STK3: variants seen among roughly 807,000 people sequenced by gnomAD.
The protein encoded by STK3 is serine/threonine-protein kinase 3.
A neutral mutation model predicts 58.0 loss-of-function variants in STK3; 41 were observed. That is an observed-to-expected ratio of 0.71 (90% CI 0.55 to 0.92). The LOEUF (loss-of-function observed/expected upper bound fraction) is 0.92. Among genes scored for constraint, STK3 ranks in the 40% least tolerant of loss-of-function variants. STK3 has a pLI of 0.00. For missense variants in STK3, 479 were observed against 602.7 expected, an observed-to-expected ratio of 0.79 and a Z score of 2.15; for synonymous variants, 170 against 191.0, an observed-to-expected ratio of 0.89 and a Z score of 0.91.
At chr8:98,394,087 T>C (rs899433484) in intron 3 of STK3, among the ~76,000 whole-genome samples, 1 of 151,952 alleles carries the variant, frequency 6.6e-6, no homozygotes, top group Non-Finnish European at 1.5e-5. Flanking sequence ...CAGGATAAGA[T>C]TGTGTCTTGG....
chr8:98,594,414 A>G (rs1432809024), intron 7 of STK3, among the ~76,000 whole-genome samples: 1 of 152,062 alleles, frequency 6.6e-6, no homozygotes, highest in African/African-American at 2.4e-5. Flanking sequence ...AGCCTGATCA[A>G]CATGGCGAAA....
chr8:98,421,966 C>T (rs534317287), intron 3 of STK3, among the ~76,000 whole-genome samples: 8 of 152,192 alleles, frequency 5.3e-5, no homozygotes, highest in African/African-American at 1.7e-4. Flanking sequence ...GGTGTGGGCC[C>T]TGTGCAGGCC....
intron 7 of STK3, among the ~76,000 whole-genome samples, chr8:98,588,383 T>A (rs1481413592): frequency 2.0e-5 from 3 of 151,582 alleles, no homozygotes; most frequent in Non-Finnish European, 4.4e-5. Context: ...GATATGAAAT[T>A]CTGGGTTGAA....
chr8:98,828,456 A>C (rs966682641), upstream of STK3, among the ~76,000 whole-genome samples: 14 of 150,620 alleles, frequency 9.3e-5, no homozygotes, highest in South Asian at 1.0e-3. Context: ...AAAAAAAAAA[A>C]AAAAAAAAAC....
chr8:98,838,988 T>TTG (rs35564732), intron 3 of STK3, among the ~76,000 whole-genome samples: 40,138 of 144,822 alleles, frequency 0.28, 6,145 homozygotes, highest in South Asian at 0.51. Flanking sequence ...TTTGTTTGTT[T>TTG]TGTGTGTGTG....
intron 1 of STK3, among the ~76,000 whole-genome samples, chr8:98,442,329 A>G (rs1002826539): frequency 2.4e-4 from 37 of 152,232 alleles, no homozygotes; most frequent in African/African-American, 8.0e-4. Flanking sequence ...CGGAACTTAC[A>G]GGTCTATGTC....
At chr8:98,620,856 G>T (rs1481159496) in intron 6 of STK3, among the ~76,000 whole-genome samples, 1 of 150,410 alleles carries the variant, frequency 6.6e-6, no homozygotes, top group African/African-American at 2.4e-5. Flanking sequence ...TTAAGCAACT[G>T]TAAATGGTAT....
chr8:98,922,208 A>G (rs1214412384), intron 1 of STK3, among the ~76,000 whole-genome samples: 1 of 152,216 alleles, frequency 6.6e-6, no homozygotes, highest in Non-Finnish European at 1.5e-5. Flanking sequence ...TCTTGCTGTG[A>G]ATGTGGACTG....
chr8:98,780,146 AT>A (rs1450477235), intron 1 of STK3, among the ~76,000 whole-genome samples: 4 of 151,456 alleles, frequency 2.6e-5, no homozygotes, highest in African/African-American at 9.7e-5. Context: ...TATTGATTAC[AT>A]TATGGTATAT....
intron 6 of STK3, among the ~76,000 whole-genome samples, chr8:98,682,160 A>C (rs888597156): frequency 1.3e-5 from 2 of 152,230 alleles, no homozygotes; most frequent in Non-Finnish European, 2.9e-5. Context: ...GAAGCTTGTG[A>C]AGTTAGATCA....
At chr8:98,835,212 G>A (rs1345912314) in intron 3 of STK3, among the ~76,000 whole-genome samples, 2 of 152,082 alleles carry the variant, frequency 1.3e-5, no homozygotes, top group South Asian at 2.1e-4. Context: ...TTTCTCATAA[G>A]AGAAAATGAG....
intron 10 of STK3, among the ~76,000 whole-genome samples, chr8:98,482,763 C>T (rs1422645684): frequency 6.6e-6 from 1 of 151,878 alleles, no homozygotes; most frequent in Non-Finnish European, 1.5e-5. Flanking sequence ...GTCAATTATT[C>T]CCTGGGTAGA....
chr8:98,440,905 A>T (rs1307411742), intron 1 of STK3, among the ~76,000 whole-genome samples: 2 of 152,202 alleles, frequency 1.3e-5, no homozygotes, highest in Non-Finnish European at 2.9e-5. Context: ...CTGTGAAGAA[A>T]GTGCCAGGTA....
chr8:98,911,768 T>C (rs994996216), intron 1 of STK3, among the ~76,000 whole-genome samples: 1 of 152,084 alleles, frequency 6.6e-6, no homozygotes, highest in Non-Finnish European at 1.5e-5. Flanking sequence ...AATAAGAGTA[T>C]TTATCCTACT....
chr8:98,929,092 C>T lies in STK3; in HGVS notation c.-79+13286G>A, dbSNP rs201384915. On this transcript the variant is annotated intron_variant, in intron 1 of 1. Transcript: ENST00000519420. The stretch of plus-strand genomic sequence containing the variant: ...ACCAGTCTGGCCAACATGGTGAAAC[C>T]CCGTCTCTACTAAGAATACAAAAAT... Among the ~76,000 whole-genome samples, 5 of 152,074 alleles carry T rather than the reference C, an allele frequency of 3.3e-5. No homozygotes were observed. The East Asian group carries it at 5.8e-4, about 18-fold the overall frequency.
rs958041783 is a variant in STK3 at position 98,493,574 on chromosome 8, T to G, written c.1317+33168A>C. Among the ~76,000 whole-genome samples, 67 of 152,214 alleles carry G rather than the reference T, an allele frequency of 4.4e-4. 1 individual carries two copies. The highest frequency in any genetic ancestry group is 8.5e-4 in the Non-Finnish European group (58 of 68,036). On this transcript the variant is annotated intron_variant, in intron 10 of 10. Transcript: ENST00000419617. ...TTCTTGAAATGTTCTCCTCCCTCAG[T>G]ATCTAAGATGTCACATTCCTTTCTC...
chr8:98,702,385 A>C (rs964833454), intron 6 of STK3, among the ~76,000 whole-genome samples: 2 of 152,232 alleles, frequency 1.3e-5, no homozygotes, highest in Non-Finnish European at 2.9e-5. Context: ...TTTCTAATTT[A>C]GTGCCATCTT....
At chr8:98,432,523 A>C (rs1309958031) in intron 3 of STK3, 1 of 167,114 alleles carries the variant, frequency 6.0e-6, no homozygotes, top group Admixed American at 6.5e-5. Flanking sequence ...TTGTAATGCC[A>C]AGCTGATTTG....
intron 3 of STK3, among the ~76,000 whole-genome samples, chr8:98,420,477 A>C (rs1420400969): frequency 6.6e-6 from 1 of 152,158 alleles, no homozygotes; most frequent in African/African-American, 2.4e-5. Flanking sequence ...GTATAGAAAA[A>C]AATTTCTAGG....
Sources: allele counts gnomAD v4.1 joint callset (sites outside exome capture counted in the v4.1 genomes callset), GRCh38; gene constraint gnomAD v4.1.1; transcripts MANE v1.5; gene names NCBI Gene and HGNC (gene_info 2026-07-23, HGNC 2026-07-21).